Variants in SHROOM4 observed in about 807,000 individuals in gnomAD.
SHROOM4 encodes the protein shroom family member 4.
SHROOM4 carries 17 observed loss-of-function variants against 80.3 expected under a neutral mutation model. The ratio of observed to expected loss-of-function variants is 0.21; its 90% CI spans 0.14 to 0.32. The LOEUF is 0.32. Ranked by LOEUF, SHROOM4 falls within the 10% of genes least tolerant of loss-of-function variation. SHROOM4 has a pLI of 1.00. For missense variants in SHROOM4, 993 were observed against 1,140.3 expected (o/e 0.87, Z 1.86); for synonymous variants, 400 against 437.5 (o/e 0.91, Z 1.07).
At chrX:50,783,301 T>G (rs1263972094) in intron 1 of SHROOM4, among the ~76,000 whole-genome samples, 1 of 111,886 alleles carries the variant, frequency 8.9e-6, no homozygotes, top group Admixed American at 9.5e-5. Flanking sequence ...GAAGGTGAAA[T>G]TTTAAAATAT....
intron 1 of SHROOM4, among the ~76,000 whole-genome samples, chrX:50,711,133 CAA>C (rs781801948): frequency 2.7e-5 from 3 of 112,220 alleles, no homozygotes; most frequent in Non-Finnish European, 5.6e-5. Flanking sequence ...TTTAAACCGA[CAA>C]AGTTAACTGC....
intron 1 of SHROOM4, among the ~76,000 whole-genome samples, chrX:50,763,541 T>C (rs1413645600): frequency 1.8e-5 from 2 of 111,830 alleles, no homozygotes; most frequent in Non-Finnish European, 3.8e-5. Flanking sequence ...TGGGGCTTGC[T>C]GTTTGGTGGT....
At chrX:50,604,221 A>T (rs1243037659) in intron 6 of SHROOM4, among the ~76,000 whole-genome samples, 2 of 112,015 alleles carry the variant, frequency 1.8e-5, no homozygotes, top group East Asian at 2.8e-4. Context: ...ACTAGCTAAC[A>T]TGCACACCAT....
chrX:50,703,961 G>T (rs1172641034), intron 1 of SHROOM4, among the ~76,000 whole-genome samples: 9 of 111,808 alleles, frequency 8.0e-5, no homozygotes, highest in African/African-American at 2.9e-4. Flanking sequence ...AGAGAGTTCA[G>T]GGAGAACCAG....
chrX:50,584,081 T>G (rs782343264), downstream of SHROOM4, among the ~76,000 whole-genome samples: 2 of 111,928 alleles, frequency 1.8e-5, no homozygotes, highest in Non-Finnish European at 3.8e-5. Flanking sequence ...AGGAGAAACA[T>G]GTACCCAAGA....
chrX:50,813,703 C>G (rs949146901), intron 1 of SHROOM4, among the ~76,000 whole-genome samples, 199 bp downstream of exon 1: 1 of 112,018 alleles, frequency 8.9e-6, no homozygotes, highest in Non-Finnish European at 1.9e-5. Flanking sequence ...CAGTTGTGCT[C>G]CCAGCTCGTG....
chrX:50,672,141 G>A (rs1932803792), intron 2 of SHROOM4, among the ~76,000 whole-genome samples: 1 of 111,906 alleles, frequency 8.9e-6, no homozygotes, highest in Admixed American at 9.5e-5. Flanking sequence ...CATCTTATAT[G>A]GGCACAGTTT....
chrX:50,739,082 A>G (rs1569548341), intron 1 of SHROOM4, among the ~76,000 whole-genome samples: 1 of 111,930 alleles, frequency 8.9e-6, no homozygotes. Flanking sequence ...AAATGGGGAA[A>G]TGATTCCCTA....
In SHROOM4 at chrX:50,705,624, G is replaced by A. The variant is rs187871764; in HGVS notation, c.118-9687C>T. ...CAGACTCCACAACCTTGGCACTGACGGTGTTCCTCACAGCCGAGGTCACTC... is the reference window on the plus strand; with the variant it reads ...CAGACTCCACAACCTTGGCACTGACAGTGTTCCTCACAGCCGAGGTCACTC... On this transcript the variant is annotated intron_variant, in intron 1 of 8. Transcript: ENST00000376020. Among the ~76,000 whole-genome samples the A allele has an allele frequency of 7.3e-4, 81 of 110,587 alleles. 1 individual carries two copies. In the Middle Eastern group the frequency reaches 0.023, roughly 32 times the overall value.
chrX:50,757,160 G>A (rs1222136168), intron 1 of SHROOM4, among the ~76,000 whole-genome samples: 1 of 111,949 alleles, frequency 8.9e-6, no homozygotes, highest in Non-Finnish European at 1.9e-5. Flanking sequence ...TGAGTTAATT[G>A]GTGTGTATGG....
intron 1 of SHROOM4, among the ~76,000 whole-genome samples, chrX:50,781,939 C>T (rs983654073): frequency 3.6e-5 from 4 of 111,284 alleles, no homozygotes; most frequent in Admixed American, 2.9e-4. Flanking sequence ...CCGAGCGTAG[C>T]GGCTCATACC....
chrX:50,736,608 A>G (rs938190180), intron 1 of SHROOM4, among the ~76,000 whole-genome samples: 2 of 112,251 alleles, frequency 1.8e-5, no homozygotes, highest in South Asian at 7.4e-4. Context: ...TTATGGCTGC[A>G]CAGTATTCCT....
intron 2 of SHROOM4, among the ~76,000 whole-genome samples, chrX:50,661,923 T>A (rs1466436475): frequency 9.0e-6 from 1 of 110,949 alleles, no homozygotes; most frequent in Non-Finnish European, 1.9e-5. Context: ...TCAATAAAAG[T>A]TCATAGAATA....
At chrX:50,778,667 ATTAAC>A (rs1463980994) in intron 1 of SHROOM4, among the ~76,000 whole-genome samples, 2 of 112,586 alleles carry the variant, frequency 1.8e-5, no homozygotes, top group African/African-American at 6.5e-5. Context: ...ATTAAAAAGT[ATTAAC>A]TTAAATCTTC....
intron 5 of SHROOM4, among the ~76,000 whole-genome samples, chrX:50,612,934 T>C (rs1273188713): frequency 9.0e-6 from 1 of 111,381 alleles, no homozygotes; most frequent in Non-Finnish European, 1.9e-5. Flanking sequence ...TTGTGCTTAA[T>C]GGCAAAACAC....
intron 1 of SHROOM4, among the ~76,000 whole-genome samples, chrX:50,789,272 T>A: frequency 9.1e-6 from 1 of 110,453 alleles, no homozygotes; most frequent in East Asian, 2.8e-4. Flanking sequence ...CAAAACAAAC[T>A]GAAGAAGATT....
In SHROOM4 at chrX:50,607,783, T is replaced by C. The variant is rs1557248928; in HGVS notation, c.3359A>G (p.Gln1120Arg). 8.3e-7 allele frequency: 1 copy of C among 1,209,088 alleles called. No individual in the cohort carries two copies. Among genetic ancestry groups the C allele is most frequent in the Admixed American group, 2.2e-5 (1 of 45,929 alleles). Residue 1120 changes from glutamine (Q) to arginine (R), a missense_variant, in exon 6 of 9, where the codon CAG becomes CGG. By Grantham distance (43) the Gln-to-Arg change is conservative. Coordinates refer to ENST00000376020, the MANE Select transcript of SHROOM4 (RefSeq NM_020717.5). ...EKYRLFRAAQ[Q>R]QKQQQQQQKQ... ...CTGCTGCTGCTGTTGCTGCTTCTGC[T>C]GCTGGGCTGCACGAAAGAGCCTGTA... is the stretch of plus-strand genomic sequence containing the variant.
At position 50,736,689 on chromosome X, in the gene SHROOM4, T is replaced by C. The variant is rs782158983; in HGVS notation, c.118-40752A>G. Among the ~76,000 whole-genome samples, 6 of 112,416 alleles carry C rather than the reference T, an allele frequency of 5.3e-5. No homozygotes were observed. The East Asian group carries it at 8.4e-4, about 16-fold the overall frequency. On this transcript the variant is annotated intron_variant, in intron 1 of 8. Transcript: ENST00000376020. ...GATTCTATGTCTTCGCTATTATGAA[T>C]AGTGCTGCAATAAACATTCATTTGC...
intron 1 of SHROOM4, among the ~76,000 whole-genome samples, chrX:50,806,124 G>T (rs1936222786): frequency 8.9e-6 from 1 of 111,772 alleles, no homozygotes. Flanking sequence ...CAAAATGTAG[G>T]CCTCAAGCAA....
Sources: allele counts gnomAD v4.1 joint callset (sites outside exome capture counted in the v4.1 genomes callset), GRCh38; gene constraint gnomAD v4.1.1; transcripts MANE v1.5; gene names NCBI Gene and HGNC (gene_info 2026-07-23, HGNC 2026-07-21).